The following NEDD4L variants were observed in gnomAD, a reference collection of about 807,000 sequenced individuals.
NEDD4L encodes NEDD4 like E3 ubiquitin protein ligase, also known as E3 ubiquitin-protein ligase NEDD4-like.
Under a neutral mutation model 148.9 loss-of-function variants are expected in NEDD4L, and 54 were observed. The ratio of observed to expected loss-of-function variants is 0.36; its 90% CI spans 0.29 to 0.45. The LOEUF is 0.45. Ranked by LOEUF, NEDD4L falls within the 20% of genes least tolerant of loss-of-function variation. The pLI is 1.00. For synonymous variants in NEDD4L, 433 were observed against 440.7 expected, an observed-to-expected ratio of 0.98 and a Z score of 0.22; for missense variants, 856 against 1,233.8, an observed-to-expected ratio of 0.69 and a Z score of 4.59.
At chr18:58,317,833 C>T (rs927272942) in intron 6 of NEDD4L, among the ~76,000 whole-genome samples, 3 of 152,084 alleles carry the variant, frequency 2.0e-5, no homozygotes, top group Non-Finnish European at 1.5e-5. Context: ...ACTCGTGTGC[C>T]CAGAGGGTAA....
In NEDD4L at chr18:58,361,253, T is replaced by A. The variant is rs1178218460; in HGVS notation, c.1768-3015T>A. On this transcript the variant is annotated intron_variant, in intron 19 of 30. Coordinates refer to ENST00000400345, the MANE Select transcript of NEDD4L (RefSeq NM_001144967.3). ...TCCCAAGTTTTAAAAATATCAGTTCTAAGTAGGCCTAGCGTTTCTACATAT... is the reference window on the plus strand; with the variant it reads ...TCCCAAGTTTTAAAAATATCAGTTCAAAGTAGGCCTAGCGTTTCTACATAT... 2.0e-5 allele frequency among the ~76,000 whole-genome samples: 3 copies of A among 152,212 alleles called. No homozygotes were observed. The South Asian group carries it at 6.2e-4, about 32-fold the overall frequency.
intron 2 of NEDD4L, among the ~76,000 whole-genome samples, chr18:58,193,375 C>T (rs1053983217): frequency 6.6e-6 from 1 of 152,176 alleles, no homozygotes; most frequent in African/African-American, 2.4e-5. Context: ...AAGAGGCACC[C>T]TCTCCTGTCA....
At chr18:58,299,907 C>G (rs562796719) in intron 5 of NEDD4L, among the ~76,000 whole-genome samples, 1 of 152,192 alleles carries the variant, frequency 6.6e-6, no homozygotes, top group African/African-American at 2.4e-5. Context: ...CCAGATGTTA[C>G]AATGACTAGC....
chr18:58,243,453 C>A (rs2046880472), intron 2 of NEDD4L, among the ~76,000 whole-genome samples: 2 of 152,304 alleles, frequency 1.3e-5, no homozygotes, highest in South Asian at 2.1e-4. Flanking sequence ...GGATCAGGAG[C>A]CTTGGTATCA....
intron 2 of NEDD4L, among the ~76,000 whole-genome samples, chr18:58,226,108 T>C (rs2044322810): frequency 6.6e-6 from 1 of 152,188 alleles, no homozygotes; most frequent in Non-Finnish European, 1.5e-5. Flanking sequence ...GCCATTGATC[T>C]TGGAGCAGAA....
At chr18:58,109,098 T>C (rs1333428433) in intron 1 of NEDD4L, among the ~76,000 whole-genome samples, 2 of 152,258 alleles carry the variant, frequency 1.3e-5, no homozygotes, top group African/African-American at 4.8e-5. Flanking sequence ...TTTGGATCAA[T>C]TCTTTCATGC....
At chr18:58,106,028 G>A (rs985260820) in intron 1 of NEDD4L, among the ~76,000 whole-genome samples, 12 of 152,210 alleles carry the variant, frequency 7.9e-5, no homozygotes, top group Admixed American at 6.5e-4. Flanking sequence ...CTCCGGAATG[G>A]CCATTTGGCC....
At chr18:58,326,362 A>C (rs2059314316) in intron 9 of NEDD4L, among the ~76,000 whole-genome samples, 1 of 152,240 alleles carries the variant, frequency 6.6e-6, no homozygotes, top group Non-Finnish European at 1.5e-5. Flanking sequence ...TCAGGACAGC[A>C]AAAATATCAG....
rs543067350 is a variant in NEDD4L at position 58,383,939 on chromosome 18, T to C, written c.2426+620T>C. On this transcript the variant is annotated intron_variant, in intron 25 of 30. Transcript: ENST00000400345. ...GCACGTTACGTTTTCTTTTTTAGTGTATATGTGTGCTTCAAATGCATAACT... is the reference window on the plus strand; with the variant it reads ...GCACGTTACGTTTTCTTTTTTAGTGCATATGTGTGCTTCAAATGCATAACT... 2.0e-5 allele frequency among the ~76,000 whole-genome samples: 3 copies of C among 152,344 alleles called. No homozygotes were observed. The East Asian group carries it at 5.8e-4, about 29-fold the overall frequency.
chr18:58,157,696 T>C (rs2035684408), intron 1 of NEDD4L, among the ~76,000 whole-genome samples: 1 of 152,228 alleles, frequency 6.6e-6, no homozygotes, highest in Non-Finnish European at 1.5e-5. Context: ...TGCACTTACA[T>C]TGAACAAGTC....
At chr18:58,381,152 T>C (rs996779050) in intron 24 of NEDD4L, among the ~76,000 whole-genome samples, 27 of 152,318 alleles carry the variant, frequency 1.8e-4, no homozygotes, top group African/African-American at 6.0e-4. Context: ...AAAAGAGAAA[T>C]TACTGTGAGA....
rs2042359945 is a variant in NEDD4L, at chr18:58,341,082, C to T, written c.1170C>T (p.Gly390=). 2 of 1,611,558 alleles carry T rather than the reference C, an allele frequency of 1.2e-6. No homozygotes were observed. Among genetic ancestry groups the T allele is most frequent in the Non-Finnish European group, 1.7e-6 (2 of 1,178,938 alleles). ...ATACCACGCCGGGTCTGCCTTCAGG[C>T]TGGGAAGAAAGAAAAGATGCTAAGG... ...YVHTTPGLPS[G]WEERKDAKGR... is the part of the protein sequence containing the mutation. Residue 390 remains glycine, a synonymous_variant, in exon 14 of 31, where the codon GGC becomes GGT. Transcript: ENST00000400345.
At chr18:58,322,366 A>G (rs2058871338) in intron 6 of NEDD4L, 59 bp from the exon 7 acceptor site, 1 of 1,167,042 alleles carries the variant, frequency 8.6e-7, no homozygotes, top group Non-Finnish European at 1.3e-6. Flanking sequence ...AGTTGCCTGT[A>G]TCTAAAACAT....
intron 5 of NEDD4L, among the ~76,000 whole-genome samples, chr18:58,300,099 CAG>C (rs1419735951): frequency 6.6e-6 from 1 of 152,238 alleles, no homozygotes; most frequent in Non-Finnish European, 1.5e-5. Flanking sequence ...TGCTTACTCA[CAG>C]TGTACCCTGG....
At chr18:58,212,710 A>G (rs2042720682) in intron 2 of NEDD4L, among the ~76,000 whole-genome samples, 1 of 152,118 alleles carries the variant, frequency 6.6e-6, no homozygotes, top group African/African-American at 2.4e-5. Context: ...TTCTCAAGTG[A>G]TCTGCCCACC....
chr18:58,391,610 T>TG (rs1309551657), intron 30 of NEDD4L, 51 bp downstream of exon 30: 1 of 1,311,886 alleles, frequency 7.6e-7, no homozygotes. Flanking sequence ...ACTGCTTAGC[T>TG]GGGTATGGTG....
chr18:58,396,083 T>C (rs1406938362), intron 30 of NEDD4L, 84 bp from the exon 31 acceptor site: 3 of 881,528 alleles, frequency 3.4e-6, no homozygotes, highest in East Asian at 2.6e-5. Flanking sequence ...TTTTTTATTC[T>C]CTTACTCAAA....
At chr18:58,335,736 C>A in intron 13 of NEDD4L, 199 bp downstream of exon 13, 3 of 492,930 alleles carry the variant, frequency 6.1e-6, no homozygotes, top group South Asian at 2.9e-5. Context: ...TTTTTTTAGT[C>A]CCACATAATT....
chr18:58,125,475 C>CTA (rs1167560697), intron 1 of NEDD4L, among the ~76,000 whole-genome samples: 1 of 152,016 alleles, frequency 6.6e-6, no homozygotes, highest in African/African-American at 2.4e-5. Flanking sequence ...TTGGAATAGT[C>CTA]AGAGCGATGT....
Sources: gnomAD v4.1 joint callset for allele counts (sites outside exome capture counted in the v4.1 genomes callset) on GRCh38, gnomAD v4.1.1 for gene constraint, MANE v1.5 for transcripts, NCBI Gene and HGNC (gene_info 2026-07-23, HGNC 2026-07-21) for gene names.